Variants in EPS15 observed in about 807,000 individuals in gnomAD.
EPS15 encodes epidermal growth factor receptor pathway substrate 15.
In EPS15, 72 loss-of-function variants were observed where a neutral mutation model predicts 113.8. The observed-to-expected ratio is 0.63, with a 90% confidence interval of 0.52 to 0.77. The LOEUF is 0.77. Ranked by LOEUF, EPS15 falls within the 30% of genes least tolerant of loss-of-function variation. The pLI, the probability that EPS15 is intolerant of heterozygous loss-of-function variation, is 0.00. For synonymous variants in EPS15, 344 were observed against 363.4 expected (o/e 0.95, Z 0.61); for missense variants, 1,048 against 1,045.8 (o/e 1.00, Z -0.03).
rs1200852054 is a variant in EPS15, at chr1:51,400,965, T to C, written c.1883-12A>G. On this transcript the variant is annotated splice_polypyrimidine_tract_variant and intron_variant, in intron 18 of 24. Transcript: ENST00000371733. ...CTTGAAAGGATCACCTGTGATAAAA[T>C]AAACACAAAGAAATCCAAATAACAA... 4 of 1,569,002 alleles carry C rather than the reference T, an allele frequency of 2.5e-6. No individual in the cohort carries two copies. In the African/African-American group the frequency reaches 4.1e-5, roughly 16 times the overall value.
chr1:51,427,926 C>T (rs561620926), intron 12 of EPS15, among the ~76,000 whole-genome samples: 70 of 152,238 alleles, frequency 4.6e-4, no homozygotes, highest in African/African-American at 1.4e-3. Flanking sequence ...AAAAGACTCA[C>T]ACTGAGACAC....
At position 51,448,203 on chromosome 1, in the gene EPS15, T is replaced by C. The variant is rs1051032614; in HGVS notation, c.562-68A>G. ...TAACATCCACCCACTGAATTGATTA[T>C]TGTTCAATGATAAATCATCGTCAGG... is the stretch of plus-strand genomic sequence containing the variant. On this transcript the variant is annotated intron_variant, in intron 8 of 24. Coordinates refer to ENST00000371733, the MANE Select transcript of EPS15 (RefSeq NM_001981.3). The C allele has an allele frequency of 4.5e-6, 4 of 893,454 alleles. No individual in the cohort carries two copies. The African/African-American group carries it at 6.7e-5, about 15-fold the overall frequency. 55.3% of individuals were successfully genotyped at this position (893,454 alleles called of 1,614,324 possible).
At chr1:51,478,212 C>T (rs1184337258) in intron 2 of EPS15, among the ~76,000 whole-genome samples, 1 of 151,988 alleles carries the variant, frequency 6.6e-6, no homozygotes, top group Admixed American at 6.6e-5. Context: ...TATGTAATGG[C>T]CTTCTTTGTC....
chr1:51,384,855 T>A (rs1647027041), intron 21 of EPS15, among the ~76,000 whole-genome samples: 1 of 152,140 alleles, frequency 6.6e-6, no homozygotes, highest in African/African-American at 2.4e-5. Flanking sequence ...AAAAGGACGG[T>A]CTTCACAAGA....
chr1:51,363,845 G>A, intron 23 of EPS15, 21 bp downstream of exon 23: 1 of 1,594,420 alleles, frequency 6.3e-7, no homozygotes, highest in Non-Finnish European at 8.5e-7. Context: ...GTTGACTGAA[G>A]AAAAGTACCA....
chr1:51,362,266 C>T (rs1232656676), intron 23 of EPS15, among the ~76,000 whole-genome samples: 2 of 152,160 alleles, frequency 1.3e-5, no homozygotes, highest in Admixed American at 6.5e-5. Flanking sequence ...TTACTGCCAA[C>T]ATTTAATAGC....
At chr1:51,459,092 A>T (rs1401933437) in intron 8 of EPS15, 1 of 152,270 alleles carries the variant, frequency 6.6e-6, no homozygotes, top group Admixed American at 6.5e-5. Context: ...CATTTTTAAA[A>T]TGTGGTAATA....
intron 2 of EPS15, among the ~76,000 whole-genome samples, chr1:51,475,450 C>T (rs1354979029): frequency 1.3e-5 from 2 of 152,126 alleles, no homozygotes; most frequent in Non-Finnish European, 2.9e-5. Flanking sequence ...CATTTTTTCA[C>T]GTGCCTGTTG....
chr1:51,489,286 C>CATATATATATATATATATATATAT (rs71063034), intron 1 of EPS15, among the ~76,000 whole-genome samples: 24 of 141,726 alleles, frequency 1.7e-4, no homozygotes, highest in African/African-American at 6.1e-4. Context: ...CCTAGTATAC[C>CATATATATATATATATATATATAT]ATATATATAT....
At chr1:51,378,812 G>T (rs553618917) in intron 21 of EPS15, among the ~76,000 whole-genome samples, 7 of 152,088 alleles carry the variant, frequency 4.6e-5, no homozygotes, top group Non-Finnish European at 7.3e-5. Context: ...CTGGCCCACA[G>T]GATGTCTAAG....
chr1:51,426,117 C>A (rs1651177415), intron 12 of EPS15, among the ~76,000 whole-genome samples: 1 of 151,922 alleles, frequency 6.6e-6, no homozygotes, highest in Non-Finnish European at 1.5e-5. Context: ...TGTCACAAGT[C>A]ACCTTACATC....
At chr1:51,507,084 A>G (rs1368049105) in intron 1 of EPS15, among the ~76,000 whole-genome samples, 7 of 152,170 alleles carry the variant, frequency 4.6e-5, no homozygotes, top group African/African-American at 1.7e-4. Flanking sequence ...CTGCTTTACC[A>G]TTCAAGATCT....
intron 12 of EPS15, among the ~76,000 whole-genome samples, chr1:51,437,941 T>C (rs11805647): frequency 6.6e-6 from 1 of 152,134 alleles, no homozygotes; most frequent in Non-Finnish European, 1.5e-5. Flanking sequence ...ATAAAAAAAT[T>C]AAAGGCTGAA....
chr1:51,398,900 G>C, intron 20 of EPS15, 132 bp downstream of exon 20: 1 of 759,970 alleles, frequency 1.3e-6, no homozygotes. Flanking sequence ...GAATTGGGAT[G>C]AGACTGAAAT....
At chr1:51,389,122 G>C (rs1200773873) in intron 21 of EPS15, among the ~76,000 whole-genome samples, 1 of 152,176 alleles carries the variant, frequency 6.6e-6, no homozygotes, top group Non-Finnish European at 1.5e-5. Context: ...TATCCACCAT[G>C]ATCAAGTGGG....
chr1:51,383,506 A>G (rs2148385239), intron 21 of EPS15, among the ~76,000 whole-genome samples: 1 of 152,314 alleles, frequency 6.6e-6, no homozygotes, highest in Non-Finnish European at 1.5e-5. Context: ...AGATTCTCAT[A>G]AGGAGTGCAC....
chr1:51,388,565 C>A (rs144866383), intron 21 of EPS15, among the ~76,000 whole-genome samples: 1 of 151,822 alleles, frequency 6.6e-6, no homozygotes, highest in African/African-American at 2.4e-5. Flanking sequence ...ATTGATAGAC[C>A]GCTAGCAAGA....
intron 8 of EPS15, among the ~76,000 whole-genome samples, chr1:51,454,547 T>C (rs893295371): frequency 1.3e-5 from 2 of 152,198 alleles, no homozygotes; most frequent in Non-Finnish European, 2.9e-5. Context: ...CAAAAACTCA[T>C]TTGTCCAGTC....
intron 20 of EPS15, chr1:51,397,136 T>G (rs1648030995): frequency 6.6e-6 from 1 of 152,276 alleles, no homozygotes; most frequent in East Asian, 1.9e-4. Flanking sequence ...TGCCTTGGCC[T>G]CCTGAAGTGC....
Sources: allele counts gnomAD v4.1 joint callset (sites outside exome capture counted in the v4.1 genomes callset), GRCh38; gene constraint gnomAD v4.1.1; transcripts MANE v1.5; gene names NCBI Gene and HGNC (gene_info 2026-07-23, HGNC 2026-07-21).